Variants in AGTPBP1 observed in about 807,000 individuals in gnomAD.
The protein encoded by AGTPBP1 is cytosolic carboxypeptidase 1.
A neutral mutation model predicts 143.9 loss-of-function variants in AGTPBP1; 70 were observed. The observed-to-expected ratio is 0.49, with a 90% CI of 0.40 to 0.59. The LOEUF is 0.59. AGTPBP1 is among the 20% of genes least tolerant of loss of function. The pLI is 0.00. For synonymous variants in AGTPBP1, 463 were observed against 500.2 expected, an observed-to-expected ratio of 0.93 and a Z score of 0.99; for missense variants, 1,229 against 1,464.5, an observed-to-expected ratio of 0.84 and a Z score of 2.62.
In AGTPBP1 at chr9:85,687,456, C is replaced by A. The variant is rs937004332; in HGVS notation, c.157+5233G>T. ...TGCATGGAACATTTTTCAGGAGAAA[C>A]CATAAACTAAGTCATAAAACAAGTC... On this transcript the variant is annotated intron_variant, in intron 3 of 25. Coordinates refer to ENST00000357081, the MANE Select transcript of AGTPBP1 (RefSeq NM_001330701.2). 2.6e-5 allele frequency among the ~76,000 whole-genome samples: 4 copies of A among 152,010 alleles called. No homozygotes were observed. In the South Asian group the frequency reaches 8.3e-4, roughly 32 times the overall value.
chr9:85,588,229 A>G (rs748446754), intron 21 of AGTPBP1, 69 bp downstream of exon 21: 1 of 1,288,718 alleles, frequency 7.8e-7, no homozygotes, highest in Non-Finnish European at 1.0e-6. Context: ...GGACATTGTT[A>G]TTTCAACAAG....
At position 85,646,354 on chromosome 9, in the gene AGTPBP1, A is replaced by G; in HGVS notation, c.1152T>C (p.Thr384=). The change falls in exon 12 of 26, where the codon ACT becomes ACC. Residue 384 remains threonine (T), a synonymous_variant. Transcript: ENST00000357081. ...TTTGATCTAGGTCATCTTCATTCTCAGTTTCGTTTTCAGCTTCTACATCAA... is the reference window on the plus strand; with the variant it reads ...TTTGATCTAGGTCATCTTCATTCTCGGTTTCGTTTTCAGCTTCTACATCAA... ...DDIDVEAENE[T]ENEDDLDQNF... is the part of the protein sequence containing the mutation. 6.2e-7 allele frequency: 1 copy of G among 1,613,008 alleles called. No homozygotes were observed. The highest frequency in any genetic ancestry group is 8.5e-7 in the Non-Finnish European group (1 of 1,179,694).
At chr9:85,608,313 G>C (rs1461800114) in intron 17 of AGTPBP1, among the ~76,000 whole-genome samples, 1 of 151,784 alleles carries the variant, frequency 6.6e-6, no homozygotes, top group African/African-American at 2.4e-5. Flanking sequence ...TCCTACATAA[G>C]GCAGAAACTA....
Position 85,611,087 on chromosome 9 carries a change from G to A in AGTPBP1, c.2335+7896C>T, listed in dbSNP as rs77359118. ...AATCTCTATTAAACTTAAGGCAGAT[G>A]GAGCAAGACTGAAAAATCCAATGCA... On this transcript the variant is annotated intron_variant, in intron 17 of 25. Transcript: ENST00000357081. Among the ~76,000 whole-genome samples, 35 of 150,948 alleles carry A rather than the reference G, an allele frequency of 2.3e-4. No homozygotes were observed. In the East Asian group the frequency reaches 6.0e-3, roughly 26 times the overall value.
chr9:85,733,446 A>G lies in AGTPBP1; in HGVS notation c.-34+8329T>C, dbSNP rs552830150. On this transcript the variant is annotated intron_variant, in intron 1 of 25. Transcript: ENST00000357081. Reference sequence around the variant, plus strand: ...ACAAATGAAAGCAAAGACATGACATACCAAAACTTACAGGATATAGCAAAA... The same window carrying G: ...ACAAATGAAAGCAAAGACATGACATGCCAAAACTTACAGGATATAGCAAAA... Among the ~76,000 whole-genome samples, 7 of 152,296 alleles carry G rather than the reference A, an allele frequency of 4.6e-5. No homozygotes were observed. The South Asian group carries it at 1.5e-3, about 32-fold the overall frequency.
intron 23 of AGTPBP1, among the ~76,000 whole-genome samples, chr9:85,583,628 G>GA (rs902743818): frequency 6.6e-5 from 10 of 151,920 alleles, no homozygotes; most frequent in South Asian, 4.1e-4. Flanking sequence ...TAATTTTAAT[G>GA]AAAAAAACTG....
chr9:85,668,095 G>C (rs1210857160), intron 8 of AGTPBP1, among the ~76,000 whole-genome samples: 5 of 151,800 alleles, frequency 3.3e-5, no homozygotes, highest in Non-Finnish European at 5.9e-5. Flanking sequence ...AATACGCTAG[G>C]AAAAAAGAAA....
intron 19 of AGTPBP1, among the ~76,000 whole-genome samples, chr9:85,590,981 T>C (rs1217857078): frequency 6.6e-6 from 1 of 152,102 alleles, no homozygotes; most frequent in Non-Finnish European, 1.5e-5. Context: ...GTTTTATAGG[T>C]ATATATTTTA....
chr9:85,736,722 G>A (rs1005411060), intron 1 of AGTPBP1, among the ~76,000 whole-genome samples: 1 of 152,178 alleles, frequency 6.6e-6, no homozygotes, highest in Admixed American at 6.5e-5. Flanking sequence ...GGACCCACAA[G>A]TTCAAAACTA....
chr9:85,797,222 C>T, the AGTPBP1 span, among the ~76,000 whole-genome samples: 1 of 152,100 alleles, frequency 6.6e-6, no homozygotes, highest in Admixed American at 6.5e-5. Flanking sequence ...AGGCTCCCAC[C>T]TCAGCCTCCT....
upstream of AGTPBP1, among the ~76,000 whole-genome samples, chr9:85,745,909 C>G (rs1196409925): frequency 6.6e-6 from 1 of 152,176 alleles, no homozygotes; most frequent in Non-Finnish European, 1.5e-5. Context: ...CCTGTAAGCT[C>G]GAGCTCCAGA....
At chr9:85,741,957 C>T, upstream of AGTPBP1, 2 of 1,259,428 alleles carry the variant, frequency 1.6e-6, no homozygotes, top group Non-Finnish European at 2.0e-6. Context: ...CGGAACCTGT[C>T]CGCATCCCGG....
At chr9:85,709,986 A>G (rs1837265642) in intron 2 of AGTPBP1, among the ~76,000 whole-genome samples, 1 of 152,150 alleles carries the variant, frequency 6.6e-6, no homozygotes, top group African/African-American at 2.4e-5. Context: ...CCAACCCTCA[A>G]GCCACCCTTG....
At chr9:85,766,717 A>G in the AGTPBP1 span, among the ~76,000 whole-genome samples, 2 of 152,056 alleles carry the variant, frequency 1.3e-5, no homozygotes, top group Admixed American at 1.3e-4. Flanking sequence ...CTCTCAAGTG[A>G]GGCTCTGCTC....
the AGTPBP1 span, among the ~76,000 whole-genome samples, chr9:85,803,280 T>C: frequency 6.6e-6 from 1 of 152,324 alleles, no homozygotes; most frequent in South Asian, 2.1e-4. Flanking sequence ...CTTCTTTCCT[T>C]GTGCTTTTCA....
upstream of AGTPBP1, among the ~76,000 whole-genome samples, chr9:85,744,939 C>T (rs973590693): frequency 6.6e-6 from 1 of 152,220 alleles, no homozygotes; most frequent in African/African-American, 2.4e-5. Flanking sequence ...TCACTCTTTC[C>T]ACAGCTTCTT....
Position 85,681,251 on chromosome 9 carries a change from G to A in AGTPBP1, c.225+17C>T, listed in dbSNP as rs747918341. On this transcript the variant is annotated intron_variant, in intron 4 of 25. Transcript: ENST00000357081. Reference sequence around the variant, plus strand: ...TGGCATTAGTAGTTACATAATTAAAGCGTGTCACTGATTTACCTCTAATGT... The same window carrying A: ...TGGCATTAGTAGTTACATAATTAAAACGTGTCACTGATTTACCTCTAATGT... The A allele has an allele frequency of 6.2e-7, 1 of 1,609,794 alleles. No individual in the cohort carries two copies. Among genetic ancestry groups the A allele is most frequent in the Non-Finnish European group, 8.5e-7 (1 of 1,177,708 alleles).
chr9:85,680,135 A>G (rs1301500165), intron 4 of AGTPBP1, among the ~76,000 whole-genome samples: 2 of 152,106 alleles, frequency 1.3e-5, no homozygotes, highest in Non-Finnish European at 2.9e-5. Context: ...GTAGTAGTCT[A>G]TCTATTACTC....
chr9:85,723,378 C>T (rs961648046), intron 1 of AGTPBP1, among the ~76,000 whole-genome samples: 1 of 152,172 alleles, frequency 6.6e-6, no homozygotes, highest in African/African-American at 2.4e-5. Flanking sequence ...AGCACAAAAC[C>T]ACCCATTCAA....
Sources: gnomAD v4.1 joint callset for allele counts (sites outside exome capture counted in the v4.1 genomes callset) on GRCh38, gnomAD v4.1.1 for gene constraint, MANE v1.5 for transcripts, NCBI Gene and HGNC (gene_info 2026-07-23, HGNC 2026-07-21) for gene names.